The following PLEKHA7 variants were observed in gnomAD, a reference collection of about 807,000 sequenced individuals.
PLEKHA7 encodes the protein pleckstrin homology domain containing A7.
Under a neutral mutation model 170.0 loss-of-function variants are expected in PLEKHA7, and 104 were observed. The observed-to-expected ratio is 0.61, with a 90% CI of 0.52 to 0.72. The LOEUF is 0.72. Among genes scored for constraint, PLEKHA7 ranks in the 30% least tolerant of loss-of-function variants. The pLI, the probability that PLEKHA7 is intolerant of heterozygous loss-of-function variation, is 0.00. For missense variants in PLEKHA7, 1,615 were observed against 1,671.7 expected (o/e 0.97, Z 0.59); for synonymous variants, 648 against 660.8 (o/e 0.98, Z 0.30).
At chr11:16,968,952 C>T (rs966455639) in intron 3 of PLEKHA7, among the ~76,000 whole-genome samples, 3 of 152,210 alleles carry the variant, frequency 2.0e-5, no homozygotes, top group Non-Finnish European at 2.9e-5. Flanking sequence ...GTCCTTCCTA[C>T]TTAAGTCCAT....
intron 3 of PLEKHA7, among the ~76,000 whole-genome samples, chr11:17,002,838 C>G (rs1864749478): frequency 6.7e-6 from 1 of 148,608 alleles, no homozygotes; most frequent in Admixed American, 7.0e-5. Context: ...TCAGACTCAC[C>G]CACTGTTAAT....
chr11:17,014,396 C>G lies in PLEKHA7; in HGVS notation c.6G>C (p.Ala2=). 4 of 1,352,254 alleles carry G rather than the reference C, an allele frequency of 3.0e-6. No individual in the cohort carries two copies. Among genetic ancestry groups the G allele is most frequent in the Non-Finnish European group, 3.8e-6 (4 of 1,042,210 alleles). The allele number at this position is 1,352,254 out of a possible 1,614,324, so 83.8% of individuals were successfully genotyped here. ...AAGTGTCCCGCCCGACCGTCGCCGCCGCCATGTTCGCCGAGCGCGGAGCCG... is the reference window on the plus strand; with the variant it reads ...AAGTGTCCCGCCCGACCGTCGCCGCGGCCATGTTCGCCGAGCGCGGAGCCG... M[A]AATVGRDTLP... Residue 2 remains alanine, a synonymous_variant, in exon 1 of 27, where the codon GCG becomes GCC. Coordinates refer to ENST00000531066, the MANE Select transcript of PLEKHA7 (RefSeq NM_001329630.2).
intron 19 of PLEKHA7, among the ~76,000 whole-genome samples, chr11:16,792,932 C>T (rs114899435): frequency 1.3e-5 from 2 of 152,100 alleles, no homozygotes; most frequent in Admixed American, 6.6e-5. Flanking sequence ...CAGCACCACG[C>T]CCATCTTATA....
chr11:16,822,842 C>T (rs191161476), intron 10 of PLEKHA7, among the ~76,000 whole-genome samples: 412 of 152,246 alleles, frequency 2.7e-3, no homozygotes, highest in Non-Finnish European at 3.7e-3. Context: ...GCAACCCAGA[C>T]CAATGGAGTC....
chr11:16,825,456 G>A (rs550102818), intron 10 of PLEKHA7, among the ~76,000 whole-genome samples: 21 of 152,352 alleles, frequency 1.4e-4, no homozygotes, highest in South Asian at 4.1e-4. Context: ...AATCTGTCAC[G>A]TCTTTCATAA....
rs1214308422 is a variant in PLEKHA7, at chr11:16,786,405, G to C, written c.3358-18C>G. On this transcript the variant is annotated intron_variant, in intron 23 of 26. Coordinates refer to ENST00000531066, the MANE Select transcript of PLEKHA7 (RefSeq NM_001329630.2). ...CGCTTCCACTGGCAACAGAACAAGA[G>C]GTTAAACGTAGTCGCTTCCTGATTG... is the stretch of plus-strand genomic sequence containing the variant. The C allele has an allele frequency of 3.3e-6, 5 of 1,535,808 alleles. No individual in the cohort carries two copies. Among genetic ancestry groups the C allele is most frequent in the Non-Finnish European group, 4.4e-6 (5 of 1,146,610 alleles).
chr11:16,965,092 T>G (rs1390791565), intron 3 of PLEKHA7, among the ~76,000 whole-genome samples: 1 of 151,740 alleles, frequency 6.6e-6, no homozygotes, highest in Non-Finnish European at 1.5e-5. Flanking sequence ...GCAAATCACT[T>G]GAGGTCAGGA....
chr11:16,793,799 C>T (rs1179439434), intron 19 of PLEKHA7, among the ~76,000 whole-genome samples: 1 of 152,218 alleles, frequency 6.6e-6, no homozygotes, highest in Non-Finnish European at 1.5e-5. Flanking sequence ...AAGGTGCTGG[C>T]CCAGTCAGCC....
chr11:16,928,836 A>G (rs1472094348), intron 3 of PLEKHA7, among the ~76,000 whole-genome samples: 1 of 151,994 alleles, frequency 6.6e-6, no homozygotes, highest in African/African-American at 2.4e-5. Context: ...GGTACATTTG[A>G]CTTTATGAGA....
chr11:16,902,486 C>T (rs573741172), intron 3 of PLEKHA7, among the ~76,000 whole-genome samples: 32 of 152,334 alleles, frequency 2.1e-4, no homozygotes, highest in African/African-American at 7.2e-4. Flanking sequence ...CACTTCTCTA[C>T]GCCCTCACCA....
At chr11:16,976,719 A>G (rs933450207) in intron 3 of PLEKHA7, among the ~76,000 whole-genome samples, 1 of 152,244 alleles carries the variant, frequency 6.6e-6, no homozygotes, top group African/African-American at 2.4e-5. Context: ...CAACCAAGCT[A>G]TGGAACAAAC....
intron 4 of PLEKHA7, among the ~76,000 whole-genome samples, chr11:16,860,010 T>A (rs1047624687): frequency 1.3e-5 from 2 of 152,246 alleles, no homozygotes; most frequent in Non-Finnish European, 2.9e-5. Context: ...TTGGGCTACA[T>A]GAATGCTGAT....
chr11:16,894,466 ATTCT>A (rs531518600), intron 3 of PLEKHA7, among the ~76,000 whole-genome samples: 14 of 152,164 alleles, frequency 9.2e-5, no homozygotes, highest in Non-Finnish European at 1.6e-4. Flanking sequence ...TTCTGGTTTT[ATTCT>A]TTCTTTTTCT....
chr11:16,789,876 G>A lies in PLEKHA7; in HGVS notation c.3055C>T (p.Leu1019Phe), dbSNP rs1372133789. 7 of 1,613,682 alleles carry A rather than the reference G, an allele frequency of 4.3e-6. No homozygotes were observed. The Admixed American group carries it at 1.2e-4, about 27-fold the overall frequency. ...TGGAGCCTTGACGTGGACCCTGAGA[G>A]CCCTTAGTGAGGAAAGAGAAGTGCA... ...SRYQTLPGRG[L>F]SGSTSRLQQS... Residue 1019 changes from leucine to phenylalanine, a missense_variant and splice_region_variant, in exon 22 of 27, where the codon CTC becomes TTC. Leu to Phe is a conservative substitution (Grantham distance 22). Transcript: ENST00000531066. This position sits in a 1 kb window ranked among gnomAD's most constrained non-coding sequence, Gnocchi z 4.6.
chr11:16,967,087 A>C (rs1469327881), intron 3 of PLEKHA7, among the ~76,000 whole-genome samples: 1 of 152,220 alleles, frequency 6.6e-6, no homozygotes, highest in Non-Finnish European at 1.5e-5. Flanking sequence ...ACTGATTCCA[A>C]CAGAAATGCA....
At chr11:16,961,524 C>G (rs1426527638) in intron 3 of PLEKHA7, among the ~76,000 whole-genome samples, 1 of 152,210 alleles carries the variant, frequency 6.6e-6, no homozygotes, top group Non-Finnish European at 1.5e-5. Context: ...GAAAAGAGGC[C>G]CTCCAACCCT....
chr11:16,959,873 C>CGAA, intron 3 of PLEKHA7, among the ~76,000 whole-genome samples: 1 of 152,272 alleles, frequency 6.6e-6, no homozygotes, highest in African/African-American at 2.4e-5. Context: ...TACCTACTTC[C>CGAA]CCCCAGGTAC....
rs775999869 is a variant in PLEKHA7, at chr11:16,786,192, G to T, written c.3516+37C>A. 38 of 1,531,700 alleles carry T rather than the reference G, an allele frequency of 2.5e-5. No individual in the cohort carries two copies. The South Asian group carries it at 4.3e-4, about 17-fold the overall frequency. 94.9% of individuals were successfully genotyped at this position (1,531,700 alleles called of 1,614,324 possible). On this transcript the variant is annotated intron_variant, in intron 24 of 26. Coordinates refer to ENST00000531066, the MANE Select transcript of PLEKHA7 (RefSeq NM_001329630.2). ...ATCAGGCTGGGAACTTGAAGGCCATGTCTCCTGGAGGACATGAAGGAAGTG... is the reference window on the plus strand; with the variant it reads ...ATCAGGCTGGGAACTTGAAGGCCATTTCTCCTGGAGGACATGAAGGAAGTG...
chr11:16,853,527 G>T (rs1853161984), intron 6 of PLEKHA7, among the ~76,000 whole-genome samples: 1 of 152,182 alleles, frequency 6.6e-6, no homozygotes, highest in Non-Finnish European at 1.5e-5. Context: ...GCCACTCTCT[G>T]TTGTGTGTCC....
Sources: allele counts gnomAD v4.1 joint callset (sites outside exome capture counted in the v4.1 genomes callset), GRCh38; gene constraint gnomAD v4.1.1; non-coding constraint Gnocchi (gnomAD v3.1); transcripts MANE v1.5; gene names NCBI Gene and HGNC (gene_info 2026-07-23, HGNC 2026-07-21).